MAML2: variants seen among roughly 807,000 people sequenced by gnomAD.
MAML2 encodes mastermind-like protein 2.
A neutral mutation model predicts 96.1 loss-of-function variants in MAML2; 22 were observed. The ratio of observed to expected loss-of-function variants is 0.23; its 90% confidence interval spans 0.16 to 0.33. The LOEUF is 0.33. Among genes scored for constraint, MAML2 ranks in the 10% least tolerant of loss-of-function variants. The probability of loss-of-function intolerance (pLI) is 1.00; values close to 1 mark genes in which losing one functional copy is unlikely to be tolerated. For missense variants in MAML2, 1,367 were observed against 1,392.4 expected (o/e 0.98, Z 0.29); for synonymous variants, 561 against 521.3 (o/e 1.08, Z -1.04).
At chr11:96,064,586 C>T (rs568441904) in intron 2 of MAML2, among the ~76,000 whole-genome samples, 4 of 152,290 alleles carry the variant, frequency 2.6e-5, no homozygotes, top group Admixed American at 6.5e-5. Context: ...GATCTTTCCA[C>T]CTCAGTATTC....
chr11:96,264,190 A>G (rs751886565), intron 1 of MAML2, among the ~76,000 whole-genome samples: 7 of 152,182 alleles, frequency 4.6e-5, no homozygotes, highest in Non-Finnish European at 1.0e-4. Flanking sequence ...CAGAGGTTAC[A>G]GGTCCGTAAC....
In MAML2 at chr11:96,236,424, G is replaced by A. The variant is rs1308703778; in HGVS notation, c.513+104959C>T. On this transcript the variant is annotated intron_variant, in intron 1 of 4. Transcript: ENST00000524717. ...TCTAATAACTATTATTTTAAAACCCGAAAGTCTGTATCTTTCAAATAAACA... is the reference window on the plus strand; with the variant it reads ...TCTAATAACTATTATTTTAAAACCCAAAAGTCTGTATCTTTCAAATAAACA... Among the ~76,000 whole-genome samples, 6 of 1,202 alleles carry A rather than the reference G, an allele frequency of 5.0e-3. 1 individual carries two copies. Among genetic ancestry groups the A allele is most frequent in the South Asian group, 0.25 (2 of 8 alleles). 0.8% of individuals were successfully genotyped at this position (1,202 alleles called of 152,430 possible).
intron 1 of MAML2, among the ~76,000 whole-genome samples, chr11:96,299,284 T>C (rs1230163024): frequency 6.7e-6 from 1 of 150,088 alleles, no homozygotes; most frequent in Non-Finnish European, 1.5e-5. Flanking sequence ...TAAAACATCA[T>C]AAAATGTCAT....
At chr11:96,146,827 T>C (rs1045905826) in intron 1 of MAML2, among the ~76,000 whole-genome samples, 12 of 152,260 alleles carry the variant, frequency 7.9e-5, no homozygotes, top group African/African-American at 2.7e-4. Context: ...TGTTGGTTAC[T>C]TATTTTTGTT....
At chr11:96,098,542 A>AC (rs1312845808) in intron 1 of MAML2, among the ~76,000 whole-genome samples, 14 of 152,162 alleles carry the variant, frequency 9.2e-5, no homozygotes, top group Admixed American at 2.0e-4. Context: ...TTTGGGAATG[A>AC]TTTTCAACAA....
intron 1 of MAML2, among the ~76,000 whole-genome samples, chr11:96,205,858 A>G: frequency 6.6e-6 from 1 of 152,208 alleles, no homozygotes; most frequent in East Asian, 1.9e-4. Context: ...CGTCTGGCTT[A>G]CAGCTAATAC....
intron 1 of MAML2, among the ~76,000 whole-genome samples, chr11:96,260,498 A>T (rs1291120389): frequency 6.6e-6 from 1 of 152,178 alleles, no homozygotes; most frequent in Non-Finnish European, 1.5e-5. Context: ...TGGACATCTG[A>T]TAGGAGAGGG....
At chr11:96,087,841 T>C (rs185779576) in intron 2 of MAML2, among the ~76,000 whole-genome samples, 92 of 152,292 alleles carry the variant, frequency 6.0e-4, no homozygotes, top group Non-Finnish European at 1.8e-4. Flanking sequence ...ATCATACTAT[T>C]GCAAAACACC....
intron 1 of MAML2, among the ~76,000 whole-genome samples, chr11:96,307,818 T>C (rs1863485731): frequency 6.6e-6 from 1 of 152,172 alleles, no homozygotes; most frequent in South Asian, 2.1e-4. Flanking sequence ...CCTAAAATGA[T>C]AATCTCTTCG....
chr11:96,228,688 A>G (rs1862248225), intron 1 of MAML2, among the ~76,000 whole-genome samples: 1 of 152,236 alleles, frequency 6.6e-6, no homozygotes, highest in African/African-American at 2.4e-5. Flanking sequence ...AGACCAGACC[A>G]GACAAGCCTC....
chr11:96,183,597 G>A lies in MAML2; in HGVS notation c.514-90080C>T, dbSNP rs1342276197. Among the ~76,000 whole-genome samples the A allele has an allele frequency of 6.6e-5, 10 of 150,772 alleles. No homozygotes were observed. The South Asian group carries it at 2.1e-3, about 32-fold the overall frequency. On this transcript the variant is annotated intron_variant, in intron 1 of 4. Coordinates refer to ENST00000524717, the MANE Select transcript of MAML2 (RefSeq NM_032427.4). The stretch of plus-strand genomic sequence containing the variant: ...TTTTTTTCAAATCTTTGTAGCAACA[G>A]GGGGATCTCCCTGTGTTGCCCAGAC...
At chr11:96,242,744 C>T (rs1164747928) in intron 1 of MAML2, among the ~76,000 whole-genome samples, 2 of 152,058 alleles carry the variant, frequency 1.3e-5, no homozygotes, top group Admixed American at 6.5e-5. Flanking sequence ...AAAGCAGGAG[C>T]ATGATAAAGG....
chr11:96,087,330 C>T (rs907031978), intron 2 of MAML2, among the ~76,000 whole-genome samples: 2 of 152,088 alleles, frequency 1.3e-5, no homozygotes, highest in African/African-American at 2.4e-5. Context: ...ACTAGTTTCA[C>T]GGAGTATTAA....
chr11:96,126,903 CA>C (rs200482347), intron 1 of MAML2, among the ~76,000 whole-genome samples: 3,961 of 137,310 alleles, frequency 0.029, 78 homozygotes, highest in Middle Eastern at 0.074. Context: ...GTGGTATGGA[CA>C]TGGGGGGGGT....
In MAML2 at chr11:96,342,616, T is replaced by C; in HGVS notation, c.-721A>G. ...TGGGGTACTGTAGGATGTTGTCTTC[T>C]CCCAAAAGAGGGAGACAGCTTTTCA... On this transcript the variant is annotated 5_prime_UTR_variant, in exon 1 of 5. Transcript: ENST00000524717. 2.5e-6 allele frequency: 1 copy of C among 392,216 alleles called. No homozygotes were observed. The highest frequency in any genetic ancestry group is 4.5e-6 in the Non-Finnish European group (1 of 222,554). The allele number at this position is 392,216 out of a possible 1,614,324, so 24.3% of individuals were successfully genotyped here. A position where few individuals can be genotyped will look rare whatever the true frequency, so the allele number is the denominator to read the frequency against.
At chr11:96,277,702 C>T (rs1240183742) in intron 1 of MAML2, among the ~76,000 whole-genome samples, 1 of 145,182 alleles carries the variant, frequency 6.9e-6, no homozygotes. Context: ...CATGCCACTG[C>T]ACTCCAGCCT....
At chr11:96,128,231 T>C (rs1046500231) in intron 1 of MAML2, among the ~76,000 whole-genome samples, 1 of 152,068 alleles carries the variant, frequency 6.6e-6, no homozygotes, top group African/African-American at 2.4e-5. Flanking sequence ...CCATCTCTAC[T>C]AAAAATACAA....
intron 1 of MAML2, among the ~76,000 whole-genome samples, chr11:96,308,840 T>A (rs1863500765): frequency 6.6e-6 from 1 of 152,218 alleles, no homozygotes; most frequent in Non-Finnish European, 1.5e-5. Context: ...ACCTCATGTC[T>A]TACACACAAT....
chr11:96,108,451 T>C (rs892651271), intron 1 of MAML2, among the ~76,000 whole-genome samples: 13 of 152,200 alleles, frequency 8.5e-5, no homozygotes, highest in African/African-American at 2.9e-4. Flanking sequence ...ACTTTCTAAA[T>C]ATCATCTCAT....
Sources: gnomAD v4.1 joint callset for allele counts (sites outside exome capture counted in the v4.1 genomes callset) on GRCh38, gnomAD v4.1.1 for gene constraint, MANE v1.5 for transcripts, NCBI Gene and HGNC (gene_info 2026-07-23, HGNC 2026-07-21) for gene names.